GPC5: variants seen among roughly 807,000 people sequenced by gnomAD.
The protein encoded by GPC5 is glypican-5.
In GPC5, 47 loss-of-function variants were observed where a neutral mutation model predicts 53.9. The observed-to-expected ratio is 0.87, with a 90% CI of 0.69 to 1.11. GPC5 has a LOEUF of 1.11. Among genes scored for constraint, GPC5 ranks in the 50% most tolerant of loss-of-function variants. GPC5 has a pLI of 0.00. For synonymous variants in GPC5, 286 were observed against 263.3 expected, an observed-to-expected ratio of 1.09 and a Z score of -0.84; for missense variants, 748 against 713.1, an observed-to-expected ratio of 1.05 and a Z score of -0.56.
chr13:92,494,015 GA>G (rs1226142820), intron 7 of GPC5, among the ~76,000 whole-genome samples: 2 of 151,978 alleles, frequency 1.3e-5, no homozygotes, highest in Admixed American at 1.3e-4. Context: ...TAATGAATAT[GA>G]ATTTGCAGGA....
chr13:92,296,191 G>C (rs1255721145), intron 7 of GPC5, among the ~76,000 whole-genome samples: 1 of 152,160 alleles, frequency 6.6e-6, no homozygotes, highest in African/African-American at 2.4e-5. Context: ...AATGAACTCT[G>C]TGAGGATTCT....
intron 6 of GPC5, among the ~76,000 whole-genome samples, chr13:92,099,965 C>T (rs1001532577): frequency 7.2e-5 from 11 of 152,268 alleles, no homozygotes; most frequent in Non-Finnish European, 1.3e-4. Flanking sequence ...AAAAGATCCT[C>T]GTGCTGACCA....
intron 6 of GPC5, among the ~76,000 whole-genome samples, chr13:92,030,867 G>A (rs1016017414): frequency 1.3e-5 from 2 of 152,154 alleles, no homozygotes; most frequent in African/African-American, 4.8e-5. Context: ...AACCTCTCTC[G>A]CTCTGCTGAG....
In GPC5 at chr13:92,691,110, A is replaced by T. The variant is rs9523770; in HGVS notation, c.1562-175172A>T. Among the ~76,000 whole-genome samples the T allele has an allele frequency of 2.4e-4, 18 of 73,766 alleles. 2 individuals are homozygous for T. Among genetic ancestry groups the T allele is most frequent in the Middle Eastern group, 5.6e-3 (1 of 178 alleles). 48.4% of individuals were successfully genotyped at this position (73,766 alleles called of 152,430 possible). On this transcript the variant is annotated intron_variant, in intron 7 of 7. Coordinates refer to ENST00000377067, the MANE Select transcript of GPC5 (RefSeq NM_004466.6). ...TGGGCTCCACCCAGTTCGAGCTTCC[A>T]GGCTGCTTTGTTTACCTAAGCAAGC...
intron 7 of GPC5, among the ~76,000 whole-genome samples, chr13:92,713,973 C>G (rs1888240994): frequency 6.6e-6 from 1 of 152,244 alleles, no homozygotes; most frequent in East Asian, 1.9e-4. Context: ...AATGCATGTT[C>G]TTCAAAATAG....
intron 7 of GPC5, among the ~76,000 whole-genome samples, chr13:92,274,484 C>A (rs1400614365): frequency 2.0e-5 from 3 of 152,120 alleles, no homozygotes; most frequent in Admixed American, 6.6e-5. Context: ...AGCTTTTCCT[C>A]ATTGTTCAGG....
chr13:91,670,574 A>G (rs1241077959), intron 2 of GPC5, among the ~76,000 whole-genome samples: 1 of 152,210 alleles, frequency 6.6e-6, no homozygotes, highest in East Asian at 1.9e-4. Flanking sequence ...AAGAAAATCC[A>G]TGATTTTTCA....
At chr13:92,557,289 C>A (rs1184562439) in intron 7 of GPC5, among the ~76,000 whole-genome samples, 2 of 151,896 alleles carry the variant, frequency 1.3e-5, no homozygotes, top group East Asian at 3.9e-4. Flanking sequence ...TCTGTCTTAC[C>A]ATGTTGATGT....
chr13:91,446,269 A>G (rs570711651), intron 1 of GPC5, among the ~76,000 whole-genome samples: 1 of 152,180 alleles, frequency 6.6e-6, no homozygotes, highest in South Asian at 2.1e-4. Context: ...TTCTTATGCT[A>G]GAGAATGGAA....
intron 7 of GPC5, among the ~76,000 whole-genome samples, chr13:92,583,956 C>T (rs890432100): frequency 9.9e-5 from 15 of 152,138 alleles, no homozygotes; most frequent in African/African-American, 3.4e-4. Flanking sequence ...TGACTTGCTC[C>T]TCCTTGCCTT....
chr13:92,422,897 T>C (rs535553182), intron 7 of GPC5, among the ~76,000 whole-genome samples: 2 of 152,232 alleles, frequency 1.3e-5, no homozygotes, highest in African/African-American at 2.4e-5. Context: ...TACTTCTATT[T>C]TGAGAATTCT....
At chr13:92,863,114 C>CA (rs1879233426) in intron 7 of GPC5, among the ~76,000 whole-genome samples, 1 of 152,104 alleles carries the variant, frequency 6.6e-6, no homozygotes, top group South Asian at 2.1e-4. Flanking sequence ...GGAGAGAAAA[C>CA]ACTCCTAATG....
chr13:92,268,880 T>C (rs1199573488), intron 7 of GPC5, among the ~76,000 whole-genome samples: 2 of 152,124 alleles, frequency 1.3e-5, no homozygotes, highest in East Asian at 1.9e-4. Flanking sequence ...GATTCATGTT[T>C]TCAAACTTTT....
At chr13:92,767,426 G>A (rs111739253) in intron 7 of GPC5, among the ~76,000 whole-genome samples, 6 of 152,226 alleles carry the variant, frequency 3.9e-5, no homozygotes, top group African/African-American at 9.6e-5. Flanking sequence ...AGCCGGGATC[G>A]CGCCACCACA....
At chr13:91,472,444 A>G (rs1368214876) in intron 2 of GPC5, among the ~76,000 whole-genome samples, 1 of 152,198 alleles carries the variant, frequency 6.6e-6, no homozygotes, top group African/African-American at 2.4e-5. Flanking sequence ...CAATGGCTAT[A>G]CTGACCTTAA....
chr13:91,751,533 G>T (rs572614154), intron 4 of GPC5, among the ~76,000 whole-genome samples: 1 of 152,282 alleles, frequency 6.6e-6, no homozygotes, highest in East Asian at 1.9e-4. Flanking sequence ...GCCAGTCATC[G>T]TGCTAGAGGG....
intron 7 of GPC5, among the ~76,000 whole-genome samples, chr13:92,726,201 G>A (rs1321183472): frequency 6.6e-6 from 1 of 151,410 alleles, no homozygotes; most frequent in Non-Finnish European, 1.5e-5. Context: ...TATCCCACAT[G>A]TTTAGTTTAG....
At chr13:91,962,307 T>G in intron 6 of GPC5, among the ~76,000 whole-genome samples, 1 of 152,288 alleles carries the variant, frequency 6.6e-6, no homozygotes, top group South Asian at 2.1e-4. Flanking sequence ...TACAGAATTT[T>G]ATTGGAGAAA....
chr13:91,461,841 C>A (rs957112437), intron 2 of GPC5, among the ~76,000 whole-genome samples: 1 of 152,028 alleles, frequency 6.6e-6, no homozygotes, highest in Non-Finnish European at 1.5e-5. Flanking sequence ...ACTCCTAGAT[C>A]CCTTCTTGGA....
Sources: gnomAD v4.1 joint callset for allele counts (sites outside exome capture counted in the v4.1 genomes callset) on GRCh38, gnomAD v4.1.1 for gene constraint, MANE v1.5 for transcripts, NCBI Gene and HGNC (gene_info 2026-07-23, HGNC 2026-07-21) for gene names.